Variants in KIAA1328 observed in about 807,000 individuals in gnomAD.
KIAA1328 encodes KIAA1328.
KIAA1328 carries 52 observed loss-of-function variants against 68.1 expected under a neutral mutation model. The observed-to-expected ratio is 0.76, with a 90% CI of 0.61 to 0.96. The LOEUF (loss-of-function observed/expected upper bound fraction) is 0.96, where lower values mean the gene tolerates loss of function less well. KIAA1328 is among the 40% of genes least tolerant of loss of function. The pLI is 0.00. For synonymous variants in KIAA1328, 232 were observed against 239.4 expected (o/e 0.97, Z 0.28); for missense variants, 641 against 677.6 (o/e 0.95, Z 0.60).
chr18:36,928,169 A>G (rs1443467491), intron 5 of KIAA1328, among the ~76,000 whole-genome samples: 1 of 152,172 alleles, frequency 6.6e-6, no homozygotes. Flanking sequence ...TAGACTGGGC[A>G]GAATGTGTAT....
chr18:37,189,888 A>G (rs1006856113), intron 9 of KIAA1328, among the ~76,000 whole-genome samples: 2 of 152,014 alleles, frequency 1.3e-5, no homozygotes, highest in African/African-American at 4.8e-5. Context: ...CTATAATCCT[A>G]CTCTACCCAC....
intron 7 of KIAA1328, among the ~76,000 whole-genome samples, chr18:37,157,981 A>C (rs1263105017): frequency 1.3e-5 from 2 of 151,844 alleles, no homozygotes; most frequent in South Asian, 2.1e-4. Flanking sequence ...AAATATTCTC[A>C]TGCTGTTGTT....
chr18:36,947,618 T>C (rs1268177344), intron 5 of KIAA1328, among the ~76,000 whole-genome samples: 1 of 152,150 alleles, frequency 6.6e-6, no homozygotes, highest in East Asian at 1.9e-4. Flanking sequence ...TTATTATGCC[T>C]CATAGGTGGC....
intron 6 of KIAA1328, among the ~76,000 whole-genome samples, chr18:37,025,428 C>G (rs969890949): frequency 1.3e-5 from 2 of 152,198 alleles, no homozygotes; most frequent in African/African-American, 4.8e-5. Context: ...GCATTCTTCT[C>G]AGCATCACAT....
chr18:37,138,448 T>C (rs1444151588), intron 7 of KIAA1328, among the ~76,000 whole-genome samples: 1 of 152,208 alleles, frequency 6.6e-6, no homozygotes. Flanking sequence ...TTTCTATCTA[T>C]TGTTGTCCAG....
At chr18:36,998,699 A>G (rs1294065327) in intron 6 of KIAA1328, among the ~76,000 whole-genome samples, 1 of 152,188 alleles carries the variant, frequency 6.6e-6, no homozygotes, top group Non-Finnish European at 1.5e-5. Flanking sequence ...AATCATACAG[A>G]GACTACATTA....
At chr18:37,193,512 T>C (rs986635302) in intron 9 of KIAA1328, 2 of 665,462 alleles carry the variant, frequency 3.0e-6, no homozygotes, top group East Asian at 2.7e-5. Flanking sequence ...ACTTTTACAG[T>C]TTCAGAATTT....
chr18:36,939,635 A>G (rs1349815144), intron 5 of KIAA1328, among the ~76,000 whole-genome samples: 2 of 152,124 alleles, frequency 1.3e-5, no homozygotes, highest in African/African-American at 4.8e-5. Context: ...ACGTTGAATA[A>G]AAGTGGTGTA....
intron 4 of KIAA1328, among the ~76,000 whole-genome samples, chr18:36,850,850 A>G (rs1427165185): frequency 6.6e-6 from 1 of 152,130 alleles, no homozygotes; most frequent in African/African-American, 2.4e-5. Flanking sequence ...TTTCTAGTAC[A>G]TTGATTAGTG....
At chr18:37,036,937 T>C (rs1213890908) in intron 6 of KIAA1328, among the ~76,000 whole-genome samples, 2 of 152,224 alleles carry the variant, frequency 1.3e-5, no homozygotes, top group Non-Finnish European at 2.9e-5. Flanking sequence ...TGAAGAGTTA[T>C]ACCTCACAAT....
chr18:36,842,261 C>G (rs567548054), intron 3 of KIAA1328, among the ~76,000 whole-genome samples: 1 of 152,206 alleles, frequency 6.6e-6, no homozygotes, highest in East Asian at 1.9e-4. Context: ...CCGGCTGGTA[C>G]TGCCATTTCT....
chr18:36,968,798 A>T (rs2052050082), intron 6 of KIAA1328, among the ~76,000 whole-genome samples: 1 of 152,202 alleles, frequency 6.6e-6, no homozygotes, highest in African/African-American at 2.4e-5. Context: ...AGACATCTAT[A>T]AAACTCTCTA....
intron 8 of KIAA1328, among the ~76,000 whole-genome samples, chr18:37,170,204 A>G (rs2059473977): frequency 6.6e-6 from 1 of 152,132 alleles, no homozygotes; most frequent in South Asian, 2.1e-4. Context: ...GTATTTTTTT[A>G]ATCATTGTTG....
chr18:36,911,654 G>A, intron 5 of KIAA1328, among the ~76,000 whole-genome samples: 1 of 152,160 alleles, frequency 6.6e-6, no homozygotes, highest in Admixed American at 6.5e-5. Flanking sequence ...AAGCCATGTA[G>A]TATAGTGCTG....
chr18:37,183,873 A>G (rs971941232), intron 9 of KIAA1328, among the ~76,000 whole-genome samples: 5 of 152,262 alleles, frequency 3.3e-5, no homozygotes, highest in African/African-American at 9.6e-5. Flanking sequence ...ATCTTTCCCC[A>G]TAGTACTTAA....
At chr18:37,134,715 T>C (rs1249590122) in intron 7 of KIAA1328, among the ~76,000 whole-genome samples, 1 of 152,232 alleles carries the variant, frequency 6.6e-6, no homozygotes, top group Non-Finnish European at 1.5e-5. Context: ...TAATTTCAAC[T>C]TTTATTTTAG....
At chr18:37,083,310 AC>A in intron 7 of KIAA1328, among the ~76,000 whole-genome samples, 1 of 152,352 alleles carries the variant, frequency 6.6e-6, no homozygotes, top group Non-Finnish European at 1.5e-5. Context: ...TAATCCATGT[AC>A]TTTGTACATT....
intron 6 of KIAA1328, among the ~76,000 whole-genome samples, chr18:37,021,411 A>G (rs962386941): frequency 3.0e-4 from 46 of 152,222 alleles, no homozygotes; most frequent in Non-Finnish European, 5.7e-4. Context: ...ATTAGTGGCA[A>G]TGAAACTAGT....
chr18:36,874,199 A>G (rs913174362), intron 4 of KIAA1328, among the ~76,000 whole-genome samples: 10 of 152,228 alleles, frequency 6.6e-5, no homozygotes, highest in African/African-American at 2.4e-4. Flanking sequence ...TTGGGTATAT[A>G]CCCAGTAATG....
Sources: gnomAD v4.1 joint callset for allele counts (sites outside exome capture counted in the v4.1 genomes callset) on GRCh38, gnomAD v4.1.1 for gene constraint, MANE v1.5 for transcripts, NCBI Gene and HGNC (gene_info 2026-07-23, HGNC 2026-07-21) for gene names.